Variants in SLC10A7 observed in about 807,000 individuals in gnomAD.
The protein encoded by SLC10A7 is solute carrier family 10 member 7.
In SLC10A7, 29 loss-of-function variants were observed where a neutral mutation model predicts 43.2. The ratio of observed to expected loss-of-function variants is 0.67; its 90% confidence interval spans 0.50 to 0.92. The LOEUF is 0.92. Among genes scored for constraint, SLC10A7 ranks in the 40% least tolerant of loss-of-function variants. SLC10A7 has a pLI of 0.00. For synonymous variants in SLC10A7, 152 were observed against 144.8 expected, an observed-to-expected ratio of 1.05 and a Z score of -0.35; for missense variants, 295 against 403.2, an observed-to-expected ratio of 0.73 and a Z score of 2.30.
rs143409775 is a variant in SLC10A7, at chr4:146,302,465, G to T, written c.555+3461C>A. 3.9e-3 allele frequency among the ~76,000 whole-genome samples: 596 copies of T among 152,288 alleles called. 2 individuals are homozygous for T. Among genetic ancestry groups the T allele is most frequent in the African/African-American group, 0.013 (546 of 41,566 alleles). On this transcript the variant is annotated intron_variant, in intron 7 of 11. Coordinates refer to ENST00000335472, the MANE Select transcript of SLC10A7 (RefSeq NM_001029998.6). ...GACAGTCGAATGGCAGAGATAAATT[G>T]TTAACAAGCAAACTAAACATAAGTA...
chr4:146,305,977 A>G lies in SLC10A7; in HGVS notation c.504T>C (p.Ser168=), dbSNP rs2149681879. Residue 168 remains serine, a synonymous_variant, in exon 7 of 12, where the codon TCT becomes TCC. Coordinates refer to ENST00000335472, the MANE Select transcript of SLC10A7 (RefSeq NM_001029998.6). ...LGSSSSVPFT[S]IFSQLFMTVV... ...CAGTCATAAAAAGCTGAGAAAAAAT[A>G]GATGTGAAAGGCACAGAAGAAGATG... 1 of 1,610,628 alleles carries G rather than the reference A, an allele frequency of 6.2e-7. No individual in the cohort carries two copies. Among genetic ancestry groups the G allele is most frequent in the East Asian group, 2.2e-5 (1 of 44,674 alleles).
intron 5 of SLC10A7, among the ~76,000 whole-genome samples, chr4:146,359,263 G>A (rs1009011266): frequency 2.0e-5 from 3 of 152,024 alleles, no homozygotes; most frequent in African/African-American, 7.2e-5. Flanking sequence ...TACATAGTTT[G>A]GGTAGAAGTG....
chr4:146,325,880 A>G (rs1733067634), intron 6 of SLC10A7, 81 bp downstream of exon 6: 1 of 1,278,816 alleles, frequency 7.8e-7, no homozygotes. Flanking sequence ...TTCAAATTTC[A>G]TTTTTGTTCT....
intron 5 of SLC10A7, among the ~76,000 whole-genome samples, chr4:146,378,136 G>A (rs1340050243): frequency 6.6e-6 from 1 of 152,148 alleles, no homozygotes; most frequent in African/African-American, 2.4e-5. Context: ...TCAGAGGGAG[G>A]CATGAGGTCT....
chr4:146,411,130 C>G (rs1010167471), intron 5 of SLC10A7, among the ~76,000 whole-genome samples: 1 of 152,058 alleles, frequency 6.6e-6, no homozygotes, highest in African/African-American at 2.4e-5. Flanking sequence ...CCACCTTGCC[C>G]GGCCTTCTTC....
chr4:146,418,692 G>T (rs931375726), intron 5 of SLC10A7, among the ~76,000 whole-genome samples: 1 of 152,088 alleles, frequency 6.6e-6, no homozygotes, highest in Non-Finnish European at 1.5e-5. Flanking sequence ...GGATGTGTAG[G>T]AGTGTTTCCC....
At chr4:146,498,937 T>G (rs935825306) in intron 4 of SLC10A7, among the ~76,000 whole-genome samples, 2 of 152,216 alleles carry the variant, frequency 1.3e-5, no homozygotes, top group African/African-American at 2.4e-5. Context: ...GAAAAGTGTG[T>G]AAGTAGCAGA....
Position 146,500,257 on chromosome 4 carries a change from C to A in SLC10A7, c.396+3592G>T, listed in dbSNP as rs570684546. 3.9e-5 allele frequency among the ~76,000 whole-genome samples: 6 copies of A among 152,324 alleles called. No individual in the cohort carries two copies. The South Asian group carries it at 1.2e-3, about 32-fold the overall frequency. On this transcript the variant is annotated intron_variant, in intron 4 of 11. Coordinates refer to ENST00000335472, the MANE Select transcript of SLC10A7 (RefSeq NM_001029998.6). Reference sequence around the variant, plus strand: ...TTCAATGCATGTCTACGCATCTCAGCTGGCTCCTCAGTCCAGCCTAGCTGT... The same window carrying A: ...TTCAATGCATGTCTACGCATCTCAGATGGCTCCTCAGTCCAGCCTAGCTGT...
At chr4:146,262,167 C>A (rs1321494814) in intron 10 of SLC10A7, among the ~76,000 whole-genome samples, 1 of 152,216 alleles carries the variant, frequency 6.6e-6, no homozygotes, top group Non-Finnish European at 1.5e-5. Flanking sequence ...ACCTCTCCCC[C>A]ACTTCTCCTC....
chr4:146,422,847 A>G (rs1186489885), intron 5 of SLC10A7, among the ~76,000 whole-genome samples: 1 of 152,062 alleles, frequency 6.6e-6, no homozygotes, highest in East Asian at 1.9e-4. Flanking sequence ...TTCTCATGCC[A>G]TCTATTTTGG....
chr4:146,264,861 C>T (rs1728458427), intron 10 of SLC10A7, among the ~76,000 whole-genome samples: 1 of 152,168 alleles, frequency 6.6e-6, no homozygotes, highest in Non-Finnish European at 1.5e-5. Flanking sequence ...TGCCATCTTC[C>T]TAATTCAGCT....
intron 5 of SLC10A7, among the ~76,000 whole-genome samples, chr4:146,380,249 C>T (rs575709938): frequency 3.3e-5 from 5 of 152,094 alleles, no homozygotes; most frequent in African/African-American, 1.2e-4. Flanking sequence ...GAAAAAAATC[C>T]CATAGTTTTG....
chr4:146,354,417 T>A (rs1020086256), intron 5 of SLC10A7, among the ~76,000 whole-genome samples: 4 of 152,116 alleles, frequency 2.6e-5, no homozygotes, highest in Non-Finnish European at 4.4e-5. Context: ...GAACATTCCA[T>A]GCTAATGGGT....
At chr4:146,445,740 G>C (rs541213116) in intron 4 of SLC10A7, among the ~76,000 whole-genome samples, 1 of 152,216 alleles carries the variant, frequency 6.6e-6, no homozygotes, top group Non-Finnish European at 1.5e-5. Flanking sequence ...CTTTCAGAGG[G>C]AAAGGGAGCT....
chr4:146,262,915 G>A (rs1339933635), intron 10 of SLC10A7, among the ~76,000 whole-genome samples: 1 of 152,202 alleles, frequency 6.6e-6, no homozygotes, highest in East Asian at 1.9e-4. Context: ...CCCTAAGTGT[G>A]GCATAAGAGC....
At chr4:146,263,430 C>T (rs1442149166) in intron 10 of SLC10A7, among the ~76,000 whole-genome samples, 1 of 151,950 alleles carries the variant, frequency 6.6e-6, no homozygotes, top group African/African-American at 2.4e-5. Context: ...CAGATTCTGT[C>T]ATAAAGTTAT....
intron 10 of SLC10A7, among the ~76,000 whole-genome samples, chr4:146,269,467 G>C (rs1728766434): frequency 6.6e-6 from 1 of 152,188 alleles, no homozygotes; most frequent in Non-Finnish European, 1.5e-5. Context: ...TCCTTTTCTA[G>C]GCTGTGAATG....
chr4:146,393,483 T>A (rs775997304), intron 5 of SLC10A7, among the ~76,000 whole-genome samples: 3 of 152,176 alleles, frequency 2.0e-5, no homozygotes, highest in Non-Finnish European at 2.9e-5. Flanking sequence ...TTTGACATAA[T>A]CAGTAGCTTA....
At chr4:146,386,325 A>G (rs1422680358) in intron 5 of SLC10A7, among the ~76,000 whole-genome samples, 1 of 152,146 alleles carries the variant, frequency 6.6e-6, no homozygotes, top group Non-Finnish European at 1.5e-5. Context: ...CACTTCTCTC[A>G]TGATTAGTGA....
Sources: gnomAD v4.1 joint callset for allele counts (sites outside exome capture counted in the v4.1 genomes callset) on GRCh38, gnomAD v4.1.1 for gene constraint, MANE v1.5 for transcripts, NCBI Gene and HGNC (gene_info 2026-07-23, HGNC 2026-07-21) for gene names.